The following GRIK4 variants were observed in gnomAD, a reference collection of about 807,000 sequenced individuals.
GRIK4 encodes glutamate receptor ionotropic, kainate 4.
In GRIK4, 40 loss-of-function variants were observed where a neutral mutation model predicts 104.9. The ratio of observed to expected loss-of-function variants is 0.38; its 90% CI spans 0.30 to 0.50. The LOEUF (loss-of-function observed/expected upper bound fraction) is 0.50, where lower values mean the gene tolerates loss of function less well. Ranked by LOEUF, GRIK4 falls within the 20% of genes least tolerant of loss-of-function variation. The probability of loss-of-function intolerance (pLI) is 0.93; values close to 1 mark genes in which losing one functional copy is unlikely to be tolerated. For synonymous variants in GRIK4, 485 were observed against 524.9 expected, an observed-to-expected ratio of 0.92 and a Z score of 1.04; for missense variants, 1,047 against 1,308.1, an observed-to-expected ratio of 0.80 and a Z score of 3.08.
chr11:120,856,710 A>T (rs373121174), intron 8 of GRIK4, among the ~76,000 whole-genome samples: 10 of 152,208 alleles, frequency 6.6e-5, no homozygotes, highest in African/African-American at 2.4e-4. Flanking sequence ...TACCCATTTG[A>T]CCTGGGTTAG....
intron 1 of GRIK4, among the ~76,000 whole-genome samples, chr11:120,627,208 T>C (rs1305428797): frequency 6.6e-6 from 1 of 152,202 alleles, no homozygotes; most frequent in African/African-American, 2.4e-5. Flanking sequence ...ATGATAAACA[T>C]TATGGAGCCC....
chr11:120,978,631 G>A (rs1386341177), intron 19 of GRIK4, among the ~76,000 whole-genome samples: 1 of 152,152 alleles, frequency 6.6e-6, no homozygotes, highest in African/African-American at 2.4e-5. Flanking sequence ...TACTGCAATA[G>A]TCCAAGCAAG....
intron 1 of GRIK4, among the ~76,000 whole-genome samples, chr11:120,641,439 T>C (rs1283149716): frequency 4.6e-5 from 7 of 151,414 alleles, no homozygotes; most frequent in Non-Finnish European, 1.0e-4. Flanking sequence ...CCCACATGGC[T>C]GAGTATATTT....
intron 1 of GRIK4, among the ~76,000 whole-genome samples, chr11:120,604,928 T>C (rs1332258481): frequency 1.3e-5 from 2 of 152,176 alleles, no homozygotes; most frequent in Non-Finnish European, 2.9e-5. Context: ...AGTGGTATGA[T>C]CATGGCTCAC....
Position 120,889,589 on chromosome 11 carries a change from A to ATTTTT in GRIK4, c.1165-8917_1165-8913dup, listed in dbSNP as rs369264259. Among the ~76,000 whole-genome samples, 183 of 62,488 alleles carry ATTTTT rather than the reference A, an allele frequency of 2.9e-3. 17 individuals carry two copies. Among genetic ancestry groups the ATTTTT allele is most frequent in the African/African-American group, 7.8e-3 (132 of 16,944 alleles). The allele number at this position is 62,488 out of a possible 152,430, so 41.0% of individuals were successfully genotyped here. A position where few individuals can be genotyped will look rare whatever the true frequency, so the allele number is the denominator to read the frequency against. On this transcript the variant is annotated intron_variant, in intron 11 of 20. Coordinates refer to ENST00000527524, the MANE Select transcript of GRIK4 (RefSeq NM_014619.5). ...ATAGAATAAAATAGAAAGAGCTTAC[A>ATTTTT]TTTTTTTTTTTTTTTTTTTTTTTTT...
Position 120,824,548 on chromosome 11 carries a change from C to CTCT in GRIK4, c.511+4629_511+4630insCTT, listed in dbSNP as rs1391390503. 1.2e-3 allele frequency among the ~76,000 whole-genome samples: 154 copies of CTCT among 131,218 alleles called. 3 individuals carry two copies. The highest frequency in any genetic ancestry group is 1.8e-3 in the Non-Finnish European group (105 of 58,442). The allele number at this position is 131,218 out of a possible 152,430, so 86.1% of individuals were successfully genotyped here. A position where few individuals can be genotyped will look rare whatever the true frequency, so the allele number is the denominator to read the frequency against. On this transcript the variant is annotated intron_variant, in intron 6 of 20. Transcript: ENST00000527524. Reference sequence around the variant, plus strand: ...TATTTTTTTTCCTTCTTTTTTTTTTCTTTTCTTTTTTTTTTTTTTTTGACA... The same window carrying CTCT: ...TATTTTTTTTCCTTCTTTTTTTTTTCTCTTTTTCTTTTTTTTTTTTTTTTGACA...
intron 13 of GRIK4, among the ~76,000 whole-genome samples, chr11:120,915,879 A>C (rs1307849164): frequency 6.6e-6 from 1 of 152,218 alleles, no homozygotes; most frequent in Non-Finnish European, 1.5e-5. Flanking sequence ...AGGCTTGGAG[A>C]GTTCCATAAT....
chr11:120,694,424 T>G (rs1462914153), intron 3 of GRIK4, among the ~76,000 whole-genome samples: 1 of 152,134 alleles, frequency 6.6e-6, no homozygotes, highest in Non-Finnish European at 1.5e-5. Flanking sequence ...GTTGAACCTT[T>G]TGTTCAAATA....
intron 2 of GRIK4, among the ~76,000 whole-genome samples, chr11:120,655,007 A>T (rs1474000659): frequency 6.6e-6 from 1 of 152,148 alleles, no homozygotes; most frequent in Non-Finnish European, 1.5e-5. Flanking sequence ...AACTACAGTG[A>T]ATATACAAAA....
At chr11:120,519,241 C>T (rs1371063627) in intron 1 of GRIK4, among the ~76,000 whole-genome samples, 2 of 152,338 alleles carry the variant, frequency 1.3e-5, no homozygotes, top group African/African-American at 2.4e-5. Context: ...CATATATTAT[C>T]TTAATCTTCC....
chr11:120,575,343 T>C (rs1948468519), intron 1 of GRIK4, among the ~76,000 whole-genome samples: 1 of 152,174 alleles, frequency 6.6e-6, no homozygotes, highest in Non-Finnish European at 1.5e-5. Flanking sequence ...CCAGCCTTTT[T>C]ACCTGATTTA....
chr11:120,599,891 G>A (rs906968614), intron 1 of GRIK4, among the ~76,000 whole-genome samples: 7 of 152,208 alleles, frequency 4.6e-5, no homozygotes, highest in African/African-American at 1.7e-4. Flanking sequence ...CCCAGAGCCC[G>A]TGACATAAAG....
intron 1 of GRIK4, among the ~76,000 whole-genome samples, chr11:120,512,484 C>G (rs900081873): frequency 2.6e-5 from 4 of 152,060 alleles, no homozygotes; most frequent in Admixed American, 2.6e-4. Flanking sequence ...CACACCCCCC[C>G]ACCCTGCACA....
At chr11:120,636,458 G>T (rs1949397780) in intron 1 of GRIK4, among the ~76,000 whole-genome samples, 2 of 152,174 alleles carry the variant, frequency 1.3e-5, no homozygotes, top group Non-Finnish European at 2.9e-5. Flanking sequence ...TCACAGTTTT[G>T]CCCAGGGCTT....
At chr11:120,848,536 A>G (rs1953903048) in intron 8 of GRIK4, among the ~76,000 whole-genome samples, 1 of 152,152 alleles carries the variant, frequency 6.6e-6, no homozygotes, top group Non-Finnish European at 1.5e-5. Context: ...GATCAGAAGA[A>G]TCACCCCAAG....
intron 3 of GRIK4, among the ~76,000 whole-genome samples, chr11:120,677,351 A>G (rs974097767): frequency 6.6e-6 from 1 of 152,204 alleles, no homozygotes; most frequent in African/African-American, 2.4e-5. Flanking sequence ...ATCCCGCCAC[A>G]GTCCCAGCAG....
Position 120,555,851 on chromosome 11 carries a change from C to T in GRIK4, c.-159+43964C>T, listed in dbSNP as rs1014180082. Among the ~76,000 whole-genome samples the T allele has an allele frequency of 2.6e-5, 4 of 152,094 alleles. No individual in the cohort carries two copies. The highest frequency in any genetic ancestry group is 4.8e-5 in the African/African-American group (2 of 41,406). On this transcript the variant is annotated intron_variant, in intron 1 of 20. Coordinates refer to ENST00000527524, the MANE Select transcript of GRIK4 (RefSeq NM_014619.5). This position sits in a 1 kb window ranked among gnomAD's most constrained non-coding sequence, Gnocchi z 5.3. ...GAATCATGGCCATGCTGGGGCCACGCGTCTTGGGAGCAACAGAAAATGCCT... is the reference window on the plus strand; with the variant it reads ...GAATCATGGCCATGCTGGGGCCACGTGTCTTGGGAGCAACAGAAAATGCCT...
intron 3 of GRIK4, among the ~76,000 whole-genome samples, chr11:120,751,821 C>T (rs569829571): frequency 2.0e-5 from 3 of 152,266 alleles, no homozygotes; most frequent in South Asian, 2.1e-4. Flanking sequence ...CAGCAGTCCT[C>T]GGTGCTGAGT....
chr11:120,849,579 C>T (rs1035874732), intron 8 of GRIK4, among the ~76,000 whole-genome samples: 8 of 152,230 alleles, frequency 5.3e-5, no homozygotes, highest in African/African-American at 1.9e-4. Context: ...AGATGCCATG[C>T]CCAGCACCTT....
Sources: gnomAD v4.1 joint callset for allele counts (sites outside exome capture counted in the v4.1 genomes callset) on GRCh38, gnomAD v4.1.1 for gene constraint, Gnocchi (gnomAD v3.1) non-coding constraint, MANE v1.5 for transcripts, NCBI Gene and HGNC (gene_info 2026-07-23, HGNC 2026-07-21) for gene names.